The following SETBP1 variants were observed in gnomAD, a reference collection of about 807,000 sequenced individuals.
The protein encoded by SETBP1 is SET binding protein 1.
Under a neutral mutation model 101.0 loss-of-function variants are expected in SETBP1, and 9 were observed. The ratio of observed to expected loss-of-function variants is 0.09; its 90% confidence interval spans 0.05 to 0.16. The LOEUF (loss-of-function observed/expected upper bound fraction) is 0.16, where lower values mean the gene tolerates loss of function less well. Among genes scored for constraint, SETBP1 ranks in the 10% least tolerant of loss-of-function variants. The pLI is 1.00. For synonymous variants in SETBP1, 818 were observed against 788.5 expected, an observed-to-expected ratio of 1.04 and a Z score of -0.63; for missense variants, 1,858 against 2,033.8, an observed-to-expected ratio of 0.91 and a Z score of 1.66.
chr18:44,953,144 G>C lies in SETBP1; in HGVS notation c.3804G>C (p.Gly1268=). ...SCTKRYSGSG[G]DGGSTRSENL... is the part of the protein sequence containing the mutation. ...CGAAAAGATACTCTGGCAGTGGCGG[G>C]GATGGTGGCAGCACGAGATCAGAGA... Residue 1268 remains glycine (G), a synonymous_variant, in exon 4 of 6, where the codon GGG becomes GGC. Coordinates refer to ENST00000649279, the MANE Select transcript of SETBP1 (RefSeq NM_015559.3). 1 of 1,614,132 alleles carries C rather than the reference G, an allele frequency of 6.2e-7. No individual in the cohort carries two copies. The highest frequency in any genetic ancestry group is 1.1e-5 in the South Asian group (1 of 91,078).
Position 44,763,186 on chromosome 18 carries a change from G to A in SETBP1, c.486+61354G>A, listed in dbSNP as rs191446639. ...AGTCCATAAGTAAAACATCATTCCA[G>A]GTGTTGAGGGAACAATGAGTAACTA... is the stretch of plus-strand genomic sequence containing the variant. On this transcript the variant is annotated intron_variant, in intron 2 of 5. Coordinates refer to ENST00000649279, the MANE Select transcript of SETBP1 (RefSeq NM_015559.3). 6.3e-4 allele frequency among the ~76,000 whole-genome samples: 96 copies of A among 152,274 alleles called. 1 individual carries two copies. Among genetic ancestry groups the A allele is most frequent in the African/African-American group, 2.2e-3 (92 of 41,558 alleles).
At chr18:44,893,178 C>T (rs544203892) in intron 3 of SETBP1, among the ~76,000 whole-genome samples, 15 of 152,204 alleles carry the variant, frequency 9.9e-5, no homozygotes, top group South Asian at 2.1e-4. Context: ...TTCTTAAGAA[C>T]GAGCAACCTA....
intron 3 of SETBP1, among the ~76,000 whole-genome samples, chr18:44,872,800 C>T (rs1238997174): frequency 6.6e-6 from 1 of 152,224 alleles, no homozygotes; most frequent in South Asian, 2.1e-4. Context: ...AGCATGGGCA[C>T]CATATTCAGA....
At chr18:44,769,563 A>G (rs1239006829) in intron 2 of SETBP1, among the ~76,000 whole-genome samples, 2 of 152,148 alleles carry the variant, frequency 1.3e-5, no homozygotes, top group Non-Finnish European at 2.9e-5. Flanking sequence ...CTTTTCTTCT[A>G]TGTTAGGTGC....
At chr18:44,953,844 G>C (rs1157579097) in intron 4 of SETBP1, among the ~76,000 whole-genome samples, 1 of 152,172 alleles carries the variant, frequency 6.6e-6, no homozygotes, top group East Asian at 1.9e-4. Flanking sequence ...AGTGAATCCT[G>C]AAGTCTAACT....
chr18:44,697,060 CAG>C (rs2069030348), intron 1 of SETBP1: 1 of 152,418 alleles, frequency 6.6e-6, no homozygotes, highest in South Asian at 2.1e-4. Flanking sequence ...GAGCCAAGTA[CAG>C]AGTGTCCATT....
At chr18:44,722,280 T>A (rs964377607) in intron 2 of SETBP1, among the ~76,000 whole-genome samples, 4 of 152,166 alleles carry the variant, frequency 2.6e-5, no homozygotes, top group African/African-American at 9.7e-5. Context: ...TTTGGGATAT[T>A]CCTAGTCACC....
At chr18:44,929,807 G>A (rs978634888) in intron 3 of SETBP1, among the ~76,000 whole-genome samples, 10 of 152,182 alleles carry the variant, frequency 6.6e-5, no homozygotes, top group African/African-American at 2.4e-4. Context: ...CTTTGCTGAA[G>A]TTGCTTATCA....
chr18:44,851,400 C>T (rs1230122327), intron 2 of SETBP1, among the ~76,000 whole-genome samples: 1 of 152,156 alleles, frequency 6.6e-6, no homozygotes, highest in Non-Finnish European at 1.5e-5. Flanking sequence ...TGAGATCTTG[C>T]TGTTTTAGGG....
At chr18:44,780,304 A>AGCCCTGG (rs1187844019) in intron 2 of SETBP1, among the ~76,000 whole-genome samples, 2 of 151,778 alleles carry the variant, frequency 1.3e-5, no homozygotes, top group Non-Finnish European at 2.9e-5. Context: ...CTGAGCCCTG[A>AGCCCTGG]CTCCTCTTCC....
intron 3 of SETBP1, among the ~76,000 whole-genome samples, chr18:44,903,906 T>C (rs1231753182): frequency 6.6e-6 from 1 of 152,200 alleles, no homozygotes; most frequent in Admixed American, 6.5e-5. Flanking sequence ...TCTGATGTTG[T>C]TATTTAATAA....
intron 3 of SETBP1, among the ~76,000 whole-genome samples, chr18:44,878,421 T>C (rs2069458003): frequency 6.6e-6 from 1 of 152,174 alleles, no homozygotes; most frequent in Non-Finnish European, 1.5e-5. Context: ...ACTTGAGACC[T>C]GGGGTTATTG....
At chr18:44,726,351 A>T (rs2069706410) in intron 2 of SETBP1, among the ~76,000 whole-genome samples, 1 of 152,220 alleles carries the variant, frequency 6.6e-6, no homozygotes, top group African/African-American at 2.4e-5. Context: ...ATAATCAAAT[A>T]ATAATACTTA....
chr18:44,997,274 G>A (rs1185022010), intron 4 of SETBP1, among the ~76,000 whole-genome samples: 3 of 152,040 alleles, frequency 2.0e-5, no homozygotes, highest in Non-Finnish European at 4.4e-5. Flanking sequence ...ATGGCCTTAG[G>A]CCTTCCCAGA....
intron 2 of SETBP1, among the ~76,000 whole-genome samples, chr18:44,798,871 A>C (rs2071539007): frequency 6.6e-6 from 1 of 152,214 alleles, no homozygotes; most frequent in African/African-American, 2.4e-5. Flanking sequence ...ATGTAGAGGT[A>C]AGTGTAACTT....
At chr18:44,707,687 G>A (rs542923005) in intron 2 of SETBP1, among the ~76,000 whole-genome samples, 1 of 152,286 alleles carries the variant, frequency 6.6e-6, no homozygotes, top group South Asian at 2.1e-4. Flanking sequence ...CACAAAGTAT[G>A]GATAGGAAAA....
At chr18:44,818,522 A>G (rs1021070513) in intron 2 of SETBP1, among the ~76,000 whole-genome samples, 2 of 152,070 alleles carry the variant, frequency 1.3e-5, no homozygotes, top group African/African-American at 4.8e-5. Flanking sequence ...TGCCAAGGTC[A>G]CCAGAGTCTT....
At chr18:44,772,106 C>A (rs770108081) in intron 2 of SETBP1, among the ~76,000 whole-genome samples, 26 of 152,118 alleles carry the variant, frequency 1.7e-4, no homozygotes, top group Non-Finnish European at 2.4e-4. Context: ...TCCTCTCCCC[C>A]GCCCCAGCCT....
At position 44,952,061 on chromosome 18, in the gene SETBP1, C is replaced by A. The variant is rs148632511; in HGVS notation, c.2721C>A (p.Ser907=). 1.2e-6 allele frequency: 2 copies of A among 1,614,070 alleles called. No homozygotes were observed. The highest frequency in any genetic ancestry group is 2.2e-5 in the South Asian group (2 of 91,072). ...TGGACAACCCGGAGGCCATTCCGTC[C>A]GACACCAGCACAAAGAACCGGCATG... ...CSLDNPEAIP[S]DTSTKNRHGH... The change falls in exon 4 of 6, where the codon TCC becomes TCA. Residue 907 remains serine, a synonymous_variant. Transcript: ENST00000649279.
Sources: gnomAD v4.1 joint callset for allele counts (sites outside exome capture counted in the v4.1 genomes callset) on GRCh38, gnomAD v4.1.1 for gene constraint, MANE v1.5 for transcripts, NCBI Gene and HGNC (gene_info 2026-07-23, HGNC 2026-07-21) for gene names.